Variants in GRIA4 observed in about 807,000 individuals in gnomAD.
GRIA4 encodes glutamate ionotropic receptor AMPA type subunit 4.
Under a neutral mutation model 104.0 loss-of-function variants are expected in GRIA4, and 34 were observed. The ratio of observed to expected loss-of-function variants is 0.33; its 90% CI spans 0.25 to 0.44. GRIA4 has a LOEUF of 0.44. Among genes scored for constraint, GRIA4 ranks in the 20% least tolerant of loss-of-function variants. The pLI is 1.00. For missense variants in GRIA4, 750 were observed against 1,096.5 expected (o/e 0.68, Z 4.46); for synonymous variants, 386 against 381.9 (o/e 1.01, Z -0.13).
At chr11:105,860,956 GAAAAAAAAA>G (rs55824302) in intron 4 of GRIA4, among the ~76,000 whole-genome samples, 4 of 106,098 alleles carry the variant, frequency 3.8e-5, no homozygotes, top group Admixed American at 3.1e-4. Flanking sequence ...AAGACTGTCT[GAAAAAAAAA>G]AAAAAAAAAA....
At chr11:105,864,037 C>A (rs1160097226) in intron 5 of GRIA4, among the ~76,000 whole-genome samples, 5 of 152,090 alleles carry the variant, frequency 3.3e-5, no homozygotes, top group African/African-American at 1.2e-4. Context: ...TAAAAGGTTT[C>A]TTTTCTATCA....
intron 4 of GRIA4, among the ~76,000 whole-genome samples, chr11:105,793,225 T>A (rs1294665916): frequency 6.6e-6 from 1 of 151,968 alleles, no homozygotes; most frequent in Non-Finnish European, 1.5e-5. Flanking sequence ...GCCGATGGAG[T>A]GAGGTCCAGA....
At chr11:105,973,001 T>C (rs1341901098) in intron 15 of GRIA4, among the ~76,000 whole-genome samples, 1 of 152,228 alleles carries the variant, frequency 6.6e-6, no homozygotes, top group Non-Finnish European at 1.5e-5. Flanking sequence ...GCCTTATCCC[T>C]ATATTTTAAT....
intron 14 of GRIA4, among the ~76,000 whole-genome samples, chr11:105,958,595 G>A (rs1179957080): frequency 1.3e-5 from 2 of 152,026 alleles, no homozygotes; most frequent in African/African-American, 4.8e-5. Flanking sequence ...TTGTGTCTCT[G>A]CCAGGCTTGG....
intron 3 of GRIA4, among the ~76,000 whole-genome samples, chr11:105,622,987 A>G (rs1334165267): frequency 6.7e-6 from 1 of 149,826 alleles, no homozygotes; most frequent in Admixed American, 6.7e-5. Flanking sequence ...AATGGCCTCT[A>G]GTTCCATCTG....
intron 9 of GRIA4, among the ~76,000 whole-genome samples, chr11:105,910,156 T>C (rs970716560): frequency 6.6e-6 from 1 of 152,170 alleles, no homozygotes. Flanking sequence ...ACCGTGCTCA[T>C]ATTCCTTTTG....
chr11:105,873,876 C>G (rs571065528), intron 5 of GRIA4, among the ~76,000 whole-genome samples: 75 of 152,274 alleles, frequency 4.9e-4, no homozygotes, highest in Non-Finnish European at 3.1e-4. Flanking sequence ...TGCCTGTTCA[C>G]TCTGATGATA....
At chr11:105,658,468 G>A (rs2135403973) in intron 3 of GRIA4, among the ~76,000 whole-genome samples, 1 of 150,420 alleles carries the variant, frequency 6.6e-6, no homozygotes, top group Middle Eastern at 3.4e-3. Context: ...AATGTGTATA[G>A]GAAAACTAAA....
At chr11:105,772,851 T>A (rs1941273043) in intron 4 of GRIA4, among the ~76,000 whole-genome samples, 1 of 152,108 alleles carries the variant, frequency 6.6e-6, no homozygotes, top group Admixed American at 6.6e-5. Context: ...GGGATGTAAC[T>A]AAAGTACAGA....
At chr11:105,861,751 A>T (rs1031367622) in intron 4 of GRIA4, among the ~76,000 whole-genome samples, 1 of 152,182 alleles carries the variant, frequency 6.6e-6, no homozygotes, top group Admixed American at 6.6e-5. Flanking sequence ...TCATCAAAAA[A>T]ATGTCTACAG....
At chr11:105,611,122 T>C (rs1213273833) in intron 2 of GRIA4, 37 bp downstream of exon 2, 1 of 1,419,714 alleles carries the variant, frequency 7.0e-7, no homozygotes, top group South Asian at 1.1e-5. Flanking sequence ...ATGTGGCTGG[T>C]TGTAGCAGAT....
intron 4 of GRIA4, among the ~76,000 whole-genome samples, chr11:105,784,452 C>G (rs773355215): frequency 6.6e-6 from 1 of 152,138 alleles, no homozygotes; most frequent in South Asian, 2.1e-4. Context: ...TTGAAAGGAG[C>G]ATTTCATTAT....
At chr11:105,687,956 G>C (rs2135484593) in intron 3 of GRIA4, among the ~76,000 whole-genome samples, 1 of 152,110 alleles carries the variant, frequency 6.6e-6, no homozygotes. Flanking sequence ...AGATGACTTT[G>C]TTTTTAAAGA....
intron 4 of GRIA4, among the ~76,000 whole-genome samples, chr11:105,842,565 G>A (rs1405090557): frequency 6.6e-6 from 1 of 152,064 alleles, no homozygotes; most frequent in Non-Finnish European, 1.5e-5. Context: ...TACTTTCCTG[G>A]CACACGTTGA....
At chr11:105,670,423 T>G (rs10791765) in intron 3 of GRIA4, among the ~76,000 whole-genome samples, 1 of 152,120 alleles carries the variant, frequency 6.6e-6, no homozygotes, top group African/African-American at 2.4e-5. Flanking sequence ...TTGTCATACC[T>G]GTTTTCCAGA....
chr11:105,921,950 A>G (rs1947577066), intron 11 of GRIA4, among the ~76,000 whole-genome samples: 1 of 152,070 alleles, frequency 6.6e-6, no homozygotes, highest in Non-Finnish European at 1.5e-5. Flanking sequence ...ATGAAACCAA[A>G]GGCTGAAAAC....
chr11:105,809,878 A>G (rs1333292826), intron 4 of GRIA4, among the ~76,000 whole-genome samples: 1 of 151,956 alleles, frequency 6.6e-6, no homozygotes, highest in Non-Finnish European at 1.5e-5. Flanking sequence ...CCCATTACCC[A>G]TCCCCTCTTT....
Position 105,753,096 on chromosome 11 carries a change from T to C in GRIA4, c.363T>C (p.Ser121=), listed in dbSNP as rs1168306915. Residue 121 remains serine, a synonymous_variant, in exon 4 of 17, where the codon AGT becomes AGC. Coordinates refer to ENST00000282499, the MANE Select transcript of GRIA4 (RefSeq NM_000829.4). ...SALHISLITP[S]FPTEGESQFV... ...TACATATCTCCCTCATCACACCAAG[T>C]TTCCCTACTGAGGGGGAGAGCCAGT... 3.1e-6 allele frequency: 5 copies of C among 1,613,736 alleles called. No individual in the cohort carries two copies.
chr11:105,719,328 C>T (rs1271927821), intron 3 of GRIA4, among the ~76,000 whole-genome samples: 1 of 152,066 alleles, frequency 6.6e-6, no homozygotes, highest in African/African-American at 2.4e-5. Flanking sequence ...AAAGTTGTCC[C>T]ACGAGCGGCT....
Sources: gnomAD v4.1 joint callset for allele counts (sites outside exome capture counted in the v4.1 genomes callset) on GRCh38, gnomAD v4.1.1 for gene constraint, MANE v1.5 for transcripts, NCBI Gene and HGNC (gene_info 2026-07-23, HGNC 2026-07-21) for gene names.